DCLRE1C: variants seen among roughly 807,000 people sequenced by gnomAD.
DCLRE1C encodes the protein protein artemis.
Under a neutral mutation model 61.4 loss-of-function variants are expected in DCLRE1C, and 47 were observed. The observed-to-expected ratio is 0.77, with a 90% CI of 0.61 to 0.98. The LOEUF (loss-of-function observed/expected upper bound fraction) is 0.98. Among genes scored for constraint, DCLRE1C ranks in the 50% least tolerant of loss-of-function variants. The probability of loss-of-function intolerance (pLI) is 0.00; values close to 1 mark genes in which losing one functional copy is unlikely to be tolerated. For missense variants in DCLRE1C, 858 were observed against 816.0 expected, an observed-to-expected ratio of 1.05 and a Z score of -0.63; for synonymous variants, 337 against 287.6, an observed-to-expected ratio of 1.17 and a Z score of -1.74.
At chr10:14,928,746 G>C (rs577024087) in intron 9 of DCLRE1C, among the ~76,000 whole-genome samples, 1 of 151,608 alleles carries the variant, frequency 6.6e-6, no homozygotes, top group East Asian at 1.9e-4. Flanking sequence ...GAGGTGCAAA[G>C]TGTTGGCAAC....
In DCLRE1C at chr10:14,932,908, A is replaced by C; in HGVS notation, c.726T>G (p.Leu242=). Residue 242 remains leucine, a synonymous_variant, in exon 9 of 14, where the codon CTT becomes CTG. Transcript: ENST00000378278. ...LDMFRNMPEI[L]HHLTTDRNTQ... is the part of the protein sequence containing the mutation. ...TGTTGCGGTCTGTTGTGAGATGATG[A>C]AGGATCTCAGGCATGTTCCTAAACA... 1.2e-6 allele frequency: 2 copies of C among 1,614,180 alleles called. No homozygotes were observed. Among genetic ancestry groups the C allele is most frequent in the Admixed American group, 1.7e-5 (1 of 60,012 alleles).
Position 14,908,905 on chromosome 10 carries a change from C to A in DCLRE1C, c.1582G>T (p.Glu528Ter). The A allele has an allele frequency of 2.5e-6, 4 of 1,614,184 alleles. No homozygotes were observed. The highest frequency in any genetic ancestry group is 3.4e-6 in the Non-Finnish European group (4 of 1,180,036). ...SPKLFSDSDG[E>*]STHISSQNSS... ...TTCTGGGAGGAGATGTGAGTTGATT[C>A]TCCATCAGAGTCACTGAAAAGCTTT... The change falls in exon 14 of 14, where the codon GAA becomes TAA. Residue 528 changes from glutamate to a stop codon, truncating the protein, a stop_gained. Coordinates refer to ENST00000378278, the MANE Select transcript of DCLRE1C (RefSeq NM_001033855.3). LOFTEE classifies it low-confidence loss of function (END_TRUNC).
At chr10:14,910,066 T>C (rs1330391464) in intron 13 of DCLRE1C, among the ~76,000 whole-genome samples, 1 of 152,182 alleles carries the variant, frequency 6.6e-6, no homozygotes, top group East Asian at 1.9e-4. Context: ...CAACTTCTTG[T>C]TCTACTGCTG....
chr10:14,903,405 C>G (rs1834150383), downstream of DCLRE1C: 1 of 152,186 alleles, frequency 6.6e-6, no homozygotes, highest in Admixed American at 6.5e-5. Flanking sequence ...CTGTACCTAA[C>G]AATACTGTAA....
intron 13 of DCLRE1C, among the ~76,000 whole-genome samples, chr10:14,918,641 AAAAG>A (rs1335545379): frequency 1.9e-4 from 29 of 152,106 alleles, no homozygotes; most frequent in Admixed American, 1.6e-3. Flanking sequence ...AAAAAAAAAA[AAAAG>A]AAAAAAACCT....
At chr10:14,941,719 C>A (rs1360661721) in intron 3 of DCLRE1C, among the ~76,000 whole-genome samples, 1 of 152,164 alleles carries the variant, frequency 6.6e-6, no homozygotes, top group Non-Finnish European at 1.5e-5. Flanking sequence ...TGATCTCCAA[C>A]ATCATTGCCT....
At position 14,907,723 on chromosome 10, in the gene DCLRE1C, T is replaced by C. The variant is rs1254282575; in HGVS notation, c.*685A>G. Among the ~76,000 whole-genome samples, 1 of 152,180 alleles carries C rather than the reference T, an allele frequency of 6.6e-6. No individual in the cohort carries two copies. The highest frequency in any genetic ancestry group is 1.5e-5 in the Non-Finnish European group (1 of 68,036). On this transcript the variant is annotated 3_prime_UTR_variant, in exon 14 of 14. Coordinates refer to ENST00000378278, the MANE Select transcript of DCLRE1C (RefSeq NM_001033855.3). ...CCTTTTAACCTATCAATCACTTGAATTGACTTTCTTTATAGACAGCAGATC... is the reference window on the plus strand; with the variant it reads ...CCTTTTAACCTATCAATCACTTGAACTGACTTTCTTTATAGACAGCAGATC...
chr10:14,909,265 G>A lies in DCLRE1C; in HGVS notation c.1222C>T (p.Pro408Ser). 1.2e-5 allele frequency: 19 copies of A among 1,613,776 alleles called. No individual in the cohort carries two copies. The highest frequency in any genetic ancestry group is 1.6e-5 in the Non-Finnish European group (19 of 1,179,946). Residue 408 changes from proline (P) to serine (S), a missense_variant, in exon 14 of 14, where the codon CCG (proline) becomes TCG (serine). Physicochemically the swap from Pro to Ser is moderately conservative, Grantham distance 74 (BLOSUM62 -1). This residue lies in a region of DCLRE1C where 843 missense variants were observed against 783.5 expected (regional missense o/e 1.08). Coordinates refer to ENST00000378278, the MANE Select transcript of DCLRE1C (RefSeq NM_001033855.3). ...PIPLRHKVPY[P>S]ETFHPEVFSM... ...AATACCTCAGGGTGAAAAGTTTCCG[G>A]GTATGGAACTTTGTGCCTTAAAGGT...
In DCLRE1C at chr10:14,906,388, C is replaced by T. The variant is rs897495532; in HGVS notation, c.*2020G>A. Among the ~76,000 whole-genome samples, 4 of 152,176 alleles carry T rather than the reference C, an allele frequency of 2.6e-5. No individual in the cohort carries two copies. The highest frequency in any genetic ancestry group is 9.7e-5 in the African/African-American group (4 of 41,446). ...GTCTTAGCCCAATTCATTCAGCCAG[C>T]ATTTATAATGCCAGACTCACATATA... is the stretch of plus-strand genomic sequence containing the variant. On this transcript the variant is annotated 3_prime_UTR_variant, in exon 14 of 14. Coordinates refer to ENST00000378278, the MANE Select transcript of DCLRE1C (RefSeq NM_001033855.3).
chr10:14,926,657 CAAAA>C (rs74328549), intron 11 of DCLRE1C, among the ~76,000 whole-genome samples, 182 bp downstream of exon 11: 6 of 64,328 alleles, frequency 9.3e-5, no homozygotes, highest in Admixed American at 1.7e-4. Flanking sequence ...CTGTCTCAAC[CAAAA>C]AAAAAAAAAA....
At chr10:14,903,203 C>G (rs1834137546), downstream of DCLRE1C, 1 of 152,158 alleles carries the variant, frequency 6.6e-6, no homozygotes, top group African/African-American at 2.4e-5. Flanking sequence ...CTCCGAAGAG[C>G]TCTCTCTAGA....
chr10:14,942,770 G>A (rs1841064566), intron 3 of DCLRE1C, among the ~76,000 whole-genome samples: 1 of 152,156 alleles, frequency 6.6e-6, no homozygotes, highest in African/African-American at 2.4e-5. Flanking sequence ...AGGCAGGCAT[G>A]GGCCTTTTTG....
Position 14,932,897 on chromosome 10 carries a change from G to C in DCLRE1C, c.737C>G (p.Thr246Arg). 6.2e-7 allele frequency: 1 copy of C among 1,614,226 alleles called. No homozygotes were observed. The highest frequency in any genetic ancestry group is 8.5e-7 in the Non-Finnish European group (1 of 1,180,052). The change falls in exon 9 of 14, where the codon ACA becomes AGA. Residue 246 changes from threonine to arginine, a missense_variant. Physicochemically the swap from Thr to Arg is moderately conservative, Grantham distance 71. Transcript: ENST00000378278. Reference sequence around the variant, plus strand: ...ATGGATCTGAGTGTTGCGGTCTGTTGTGAGATGATGAAGGATCTCAGGCAT... The same window carrying C: ...ATGGATCTGAGTGTTGCGGTCTGTTCTGAGATGATGAAGGATCTCAGGCAT... ...RNMPEILHHLTTDRNTQIHAC... is the reference protein window; with the variant it reads ...RNMPEILHHLRTDRNTQIHAC...
chr10:14,916,685 A>ATT (rs976776168), intron 13 of DCLRE1C, among the ~76,000 whole-genome samples: 1 of 152,224 alleles, frequency 6.6e-6, no homozygotes, highest in African/African-American at 2.4e-5. Flanking sequence ...ATCCCCCAAA[A>ATT]TGAAATACTT....
chr10:14,948,303 G>A (rs372119490), intron 2 of DCLRE1C, among the ~76,000 whole-genome samples: 3 of 152,146 alleles, frequency 2.0e-5, no homozygotes, highest in East Asian at 3.8e-4. Flanking sequence ...AGAAGACAGA[G>A]TATTGCTATC....
At chr10:14,912,336 GT>G (rs1417644049) in intron 13 of DCLRE1C, among the ~76,000 whole-genome samples, 2 of 152,162 alleles carry the variant, frequency 1.3e-5, no homozygotes, top group Non-Finnish European at 2.9e-5. Context: ...GATTATAGGC[GT>G]GAGCCACTAT....
rs942134711 is a variant in DCLRE1C, at chr10:14,928,001, A to G, written c.917+15T>C. 6 of 1,613,438 alleles carry G rather than the reference A, an allele frequency of 3.7e-6. No individual in the cohort carries two copies. Among genetic ancestry groups the G allele is most frequent in the Non-Finnish European group, 5.1e-6 (6 of 1,179,658 alleles). ...CAAAGTTTCTCTCAGAAGACCTATG[A>G]TATTGCTCTCTTACCTCACAATTAC... On this transcript the variant is annotated intron_variant, in intron 10 of 13. Coordinates refer to ENST00000378278, the MANE Select transcript of DCLRE1C (RefSeq NM_001033855.3).
At chr10:14,917,397 A>G (rs2130708585) in intron 13 of DCLRE1C, among the ~76,000 whole-genome samples, 1 of 152,264 alleles carries the variant, frequency 6.6e-6, no homozygotes, top group East Asian at 1.9e-4. Flanking sequence ...TTAAAATTTA[A>G]AATTTCTGCT....
intron 9 of DCLRE1C, among the ~76,000 whole-genome samples, chr10:14,928,377 G>C (rs139909516): frequency 1.5e-3 from 223 of 152,252 alleles, no homozygotes; most frequent in Non-Finnish European, 2.5e-3. Context: ...TCAATGTGAA[G>C]ACAAGCAAAA....
Sources: allele counts gnomAD v4.1 joint callset (sites outside exome capture counted in the v4.1 genomes callset), GRCh38; gene constraint gnomAD v4.1.1; regional missense constraint gnomAD v4.1.1; transcripts MANE v1.5; gene names NCBI Gene and HGNC (gene_info 2026-07-23, HGNC 2026-07-21).